The following PDE3A variants were observed in gnomAD, a reference collection of about 807,000 sequenced individuals.
The protein encoded by PDE3A is phosphodiesterase 3A, also known as cGMP-inhibited 3',5'-cyclic phosphodiesterase 3A.
In PDE3A, 43 loss-of-function variants were observed where a neutral mutation model predicts 98.3. The observed-to-expected ratio is 0.44, with a 90% CI of 0.34 to 0.56. The LOEUF (loss-of-function observed/expected upper bound fraction) is 0.56, where lower values mean the gene tolerates loss of function less well. Ranked by LOEUF, PDE3A falls within the 20% of genes least tolerant of loss-of-function variation. The pLI is 0.01. For missense variants in PDE3A, 1,427 were observed against 1,440.7 expected (o/e 0.99, Z 0.15); for synonymous variants, 663 against 567.9 (o/e 1.17, Z -2.38).
chr12:20,372,071 G>T (rs904394911), intron 1 of PDE3A, among the ~76,000 whole-genome samples: 1 of 152,058 alleles, frequency 6.6e-6, no homozygotes, highest in Non-Finnish European at 1.5e-5. Flanking sequence ...ATTAAGGGTG[G>T]ATAGAAGATA....
chr12:20,546,372 AC>A (rs2121236461), intron 1 of PDE3A, among the ~76,000 whole-genome samples: 1 of 128,432 alleles, frequency 7.8e-6, no homozygotes, highest in East Asian at 3.0e-4. Flanking sequence ...GGAAAGGACC[AC>A]CAAAAAAAAA....
chr12:20,493,132 G>A (rs966083069), intron 1 of PDE3A, among the ~76,000 whole-genome samples: 2 of 152,110 alleles, frequency 1.3e-5, no homozygotes, highest in African/African-American at 4.8e-5. Context: ...ATTGTTAATA[G>A]TATCATTAAC....
chr12:20,506,258 T>C (rs1946116601), intron 1 of PDE3A, among the ~76,000 whole-genome samples: 3 of 152,012 alleles, frequency 2.0e-5, no homozygotes, highest in Admixed American at 2.0e-4. Flanking sequence ...AAATTAACAC[T>C]TCAGATTGTT....
intron 1 of PDE3A, among the ~76,000 whole-genome samples, chr12:20,505,287 C>T (rs1219702768): frequency 1.3e-5 from 2 of 152,024 alleles, no homozygotes; most frequent in Non-Finnish European, 2.9e-5. Context: ...CTAGGAGTCT[C>T]CTTTTCTCCT....
chr12:20,552,795 C>A lies in PDE3A; in HGVS notation c.961-3865C>A. 6.2e-7 allele frequency: 1 copy of A among 1,614,024 alleles called. No individual in the cohort carries two copies. On this transcript the variant is annotated intron_variant, in intron 1 of 15. Transcript: ENST00000359062. This position sits in a 1 kb window ranked among gnomAD's most constrained non-coding sequence, Gnocchi z 5.1. ...TCCTGAGTAAAGTGGAGGAGACGTT[C>A]CAGTGTATCTGCTGTCAGGAGCTGG... is the stretch of plus-strand genomic sequence containing the variant.
rs534813804 is a variant in PDE3A at position 20,671,009 on chromosome 12, A to C, written c.3185-9021A>C. Among the ~76,000 whole-genome samples, 82 of 112,764 alleles carry C rather than the reference A, an allele frequency of 7.3e-4. 3 individuals are homozygous for C. The South Asian group carries it at 0.013, about 18-fold the overall frequency. 74.0% of individuals were successfully genotyped at this position (112,764 alleles called of 152,430 possible). On this transcript the variant is annotated intron_variant, in intron 15 of 15. Coordinates refer to ENST00000359062, the MANE Select transcript of PDE3A (RefSeq NM_000921.5). ...CAAATAGACGCAATAAAATATGATA[A>C]AGGGGATATCACCACCGATCCCACA...
chr12:20,410,111 A>G (rs1944306604), intron 1 of PDE3A, among the ~76,000 whole-genome samples: 1 of 152,130 alleles, frequency 6.6e-6, no homozygotes, highest in Non-Finnish European at 1.5e-5. Context: ...ATTGAATTCA[A>G]CTGTCCATTG....
chr12:20,594,922 G>A (rs1198392381), intron 2 of PDE3A, among the ~76,000 whole-genome samples: 2 of 151,804 alleles, frequency 1.3e-5, no homozygotes, highest in East Asian at 1.9e-4. Flanking sequence ...CTTGTAGATC[G>A]ATACATTATA....
chr12:20,514,691 C>T (rs1199397165), intron 1 of PDE3A, among the ~76,000 whole-genome samples: 1 of 152,136 alleles, frequency 6.6e-6, no homozygotes, highest in East Asian at 1.9e-4. Flanking sequence ...GAATTATAAA[C>T]TTATTGTTAG....
In PDE3A at chr12:20,630,046, G is replaced by A. The variant is rs1189456083; in HGVS notation, c.1679G>A (p.Gly560Asp). ...SADTTAKQSLGSHRALTYTQS... is the reference protein window; with the variant it reads ...SADTTAKQSLDSHRALTYTQS... ...GACACAACTGCCAAACAAAGCCTAG[G>A]TTCTCACAGGGCCTTAACTTACACT... The change falls in exon 6 of 16, where the codon GGT becomes GAT. Residue 560 changes from glycine to aspartate, a missense_variant. By Grantham distance (94) the Gly-to-Asp change is moderately conservative. This residue lies in a region of PDE3A where 1,012 missense variants were observed against 886.5 expected (regional missense o/e 1.14). Transcript: ENST00000359062. 1.2e-6 allele frequency: 2 copies of A among 1,613,990 alleles called. No individual in the cohort carries two copies. Among genetic ancestry groups the A allele is most frequent in the African/African-American group, 1.3e-5 (1 of 74,996 alleles).
At chr12:20,644,206 C>A (rs1944718278) in intron 10 of PDE3A, among the ~76,000 whole-genome samples, 1 of 152,138 alleles carries the variant, frequency 6.6e-6, no homozygotes, top group Non-Finnish European at 1.5e-5. Flanking sequence ...CTATCTTCTA[C>A]CGATGGAGGC....
At chr12:20,668,907 C>T (rs570137153) in intron 15 of PDE3A, among the ~76,000 whole-genome samples, 5,555 of 147,848 alleles carry the variant, frequency 0.038, 210 homozygotes, top group African/African-American at 0.092. Context: ...CTCCGAGCTA[C>T]GGGAGGACAT....
In PDE3A at chr12:20,369,668, C is replaced by G; in HGVS notation, c.384C>G (p.Pro128=). ...CCGGGGGCGGTGCGCGGCTCAGCCC[C>G]TGGCTGCAGCCCTCGGCGCTGCTCT... ...GAPGGGARLS[P]WLQPSALLFS... The change falls in exon 1 of 16, where the codon CCC becomes CCG. Residue 128 remains proline (P), a synonymous_variant. Transcript: ENST00000359062. The G allele has an allele frequency of 6.2e-7, 1 of 1,607,464 alleles. No individual in the cohort carries two copies. Among genetic ancestry groups the G allele is most frequent in the Non-Finnish European group, 8.5e-7 (1 of 1,177,814 alleles).
At chr12:20,627,328 C>T (rs80052334) in intron 5 of PDE3A, among the ~76,000 whole-genome samples, 4,385 of 152,074 alleles carry the variant, frequency 0.029, 87 homozygotes, top group Non-Finnish European at 0.044. Context: ...ATTACTTTTG[C>T]ACCAACCTAA....
chr12:20,646,583 A>G lies in PDE3A; in HGVS notation c.2345A>G (p.His782Arg), dbSNP rs1294735746. ...GGCCTCTCAACTGTGATTAATGATC[A>G]TGGTTCAACCAGTGATTCAGGTATG... Reference protein sequence around the residue: ...IPGLSTVINDHGSTSDSDSDS... With the variant: ...IPGLSTVINDRGSTSDSDSDS... The change falls in exon 11 of 16, where the codon CAT (histidine) becomes CGT (arginine). Residue 782 changes from histidine to arginine, a missense_variant. Coordinates refer to ENST00000359062, the MANE Select transcript of PDE3A (RefSeq NM_000921.5). 11 of 1,596,110 alleles carry G rather than the reference A, an allele frequency of 6.9e-6. No individual in the cohort carries two copies. Among genetic ancestry groups the G allele is most frequent in the East Asian group, 2.2e-5 (1 of 44,768 alleles).
chr12:20,426,410 A>G (rs1944602593), intron 1 of PDE3A, among the ~76,000 whole-genome samples: 1 of 152,230 alleles, frequency 6.6e-6, no homozygotes, highest in African/African-American at 2.4e-5. Context: ...CTTAGGCATT[A>G]TAAATAGAAA....
chr12:20,537,952 T>C (rs1464497960), intron 1 of PDE3A, among the ~76,000 whole-genome samples: 1 of 152,108 alleles, frequency 6.6e-6, no homozygotes, highest in Non-Finnish European at 1.5e-5. Context: ...TCTACCATGT[T>C]TGTTTAACTC....
At chr12:20,419,269 T>A (rs1255829013) in intron 1 of PDE3A, among the ~76,000 whole-genome samples, 1 of 151,952 alleles carries the variant, frequency 6.6e-6, no homozygotes, top group Non-Finnish European at 1.5e-5. Flanking sequence ...TCTTTTTTAT[T>A]TTATTTTTTT....
intron 15 of PDE3A, among the ~76,000 whole-genome samples, chr12:20,668,345 C>A (rs1004920663): frequency 6.6e-6 from 1 of 152,158 alleles, no homozygotes; most frequent in African/African-American, 2.4e-5. Context: ...GTGGAGCCCA[C>A]CACAGCTCAA....
Sources: allele counts gnomAD v4.1 joint callset (sites outside exome capture counted in the v4.1 genomes callset), GRCh38; gene constraint gnomAD v4.1.1; regional missense constraint gnomAD v4.1.1; non-coding constraint Gnocchi (gnomAD v3.1); transcripts MANE v1.5; gene names NCBI Gene and HGNC (gene_info 2026-07-23, HGNC 2026-07-21).